ADAR: variants seen among roughly 807,000 people sequenced by gnomAD.
The protein encoded by ADAR is double-stranded RNA-specific adenosine deaminase.
A neutral mutation model predicts 113.2 loss-of-function variants in ADAR; 41 were observed. The ratio of observed to expected loss-of-function variants is 0.36; its 90% CI spans 0.28 to 0.47. ADAR has a LOEUF of 0.47. Among genes scored for constraint, ADAR ranks in the 20% least tolerant of loss-of-function variants. The probability of loss-of-function intolerance (pLI) is 1.00; values close to 1 mark genes in which losing one functional copy is unlikely to be tolerated. For missense variants in ADAR, 1,242 were observed against 1,540.9 expected (o/e 0.81, Z 3.25); for synonymous variants, 605 against 572.6 (o/e 1.06, Z -0.81).
Position 154,583,400 on chromosome 1 carries a change from T to A in ADAR, c.*1406A>T, listed in dbSNP as rs886045325. On this transcript the variant is annotated 3_prime_UTR_variant, in exon 15 of 15. Transcript: ENST00000368474. ...ACTGACAGTTTTTACGAGTGACTAT[T>A]CAAAGAATGCACAGGAGCCAGAGAG... 1.3e-5 allele frequency: 2 copies of A among 152,090 alleles called. No individual in the cohort carries two copies. The highest frequency in any genetic ancestry group is 4.8e-5 in the African/African-American group (2 of 41,392). 9.4% of individuals were successfully genotyped at this position (152,090 alleles called of 1,614,324 possible).
rs1344031302 is a variant in ADAR, at chr1:154,601,810, G to A, written c.832C>T (p.Pro278Ser). Residue 278 changes from proline to serine, a missense_variant, in exon 2 of 15, where the codon CCT becomes TCT. Pro to Ser is a moderately conservative substitution (Grantham distance 74, BLOSUM62 -1). Transcript: ENST00000368474. The surrounding 1 kb of genome is among the most constrained non-coding windows in gnomAD (Gnocchi z 4.7). Reference sequence around the variant, plus strand: ...GCAGATGTGGAGTTGCTGTCTTCAGGTTCCAAACCTGGGTCTGAGTTTGGG... The same window carrying A: ...GCAGATGTGGAGTTGCTGTCTTCAGATTCCAAACCTGGGTCTGAGTTTGGG... ...GSPNSDPGLE[P>S]EDSNSTSALE... 8 of 1,614,086 alleles carry A rather than the reference G, an allele frequency of 5.0e-6. No individual in the cohort carries two copies. The highest frequency in any genetic ancestry group is 1.3e-5 in the African/African-American group (1 of 74,932).
chr1:154,619,741 TGG>T (rs1698737106), intron 1 of ADAR, among the ~76,000 whole-genome samples: 7 of 152,210 alleles, frequency 4.6e-5, no homozygotes, highest in Admixed American at 3.9e-4. Flanking sequence ...AAAACCACAA[TGG>T]GATGCCGCTT....
chr1:154,622,415 A>T (rs985089939), intron 1 of ADAR, among the ~76,000 whole-genome samples: 5 of 152,182 alleles, frequency 3.3e-5, no homozygotes, highest in Admixed American at 2.6e-4. Flanking sequence ...TAAAGTTGAC[A>T]ACCCTTGGTC....
At position 154,585,755 on chromosome 1, in the gene ADAR, T is replaced by C; in HGVS notation, c.3313A>G (p.Lys1105Glu). 4 of 1,612,596 alleles carry C rather than the reference T, an allele frequency of 2.5e-6. No individual in the cohort carries two copies. The highest frequency in any genetic ancestry group is 3.4e-6 in the Non-Finnish European group (4 of 1,178,646). The change falls in exon 13 of 15, where the codon AAG (lysine) becomes GAG (glutamate). Residue 1105 changes from lysine (K) to glutamate (E), a missense_variant and splice_region_variant. Physicochemically the swap from Lys to Glu is moderately conservative, Grantham distance 56. Coordinates refer to ENST00000368474, the MANE Select transcript of ADAR (RefSeq NM_001111.5). ...LRHPFIVNHP[K>E]VGRVSIYDSK... ...AAAATAGAAGGGGGTTATAGCACCT[T>C]GGGGTGGTTGACAATAAAGGGATGT...
rs139471471 is a variant in ADAR at position 154,601,986 on chromosome 1, C to G, written c.656G>C (p.Gly219Ala). 5.1e-5 allele frequency: 82 copies of G among 1,614,110 alleles called. 1 individual carries two copies. The African/African-American group carries it at 9.7e-4, about 19-fold the overall frequency. ...GVVRPDGHSQ[G>A]APNSDPSLEP... ...CAAACTCGGGTCTGAGTTTGGGGCT[C>G]CTTGGCTATGACCGTCTGGTCTTAC... is the stretch of plus-strand genomic sequence containing the variant. Residue 219 changes from glycine (G) to alanine (A), a missense_variant, in exon 2 of 15, where the codon GGA becomes GCA. Gly to Ala is a moderately conservative substitution (Grantham distance 60, BLOSUM62 0). This residue lies in a region of ADAR where 462 missense variants were observed against 483.1 expected (regional missense o/e 0.96). Transcript: ENST00000368474. The surrounding 1 kb of genome is among the most constrained non-coding windows in gnomAD (Gnocchi z 4.7).
At chr1:154,588,412 A>C in intron 10 of ADAR, 139 bp downstream of exon 10, 1 of 1,489,690 alleles carries the variant, frequency 6.7e-7, no homozygotes, top group Non-Finnish European at 9.3e-7. Context: ...AGTCATCTAC[A>C]CCTGAATATG....
rs763229776 is a variant in ADAR at position 154,590,366 on chromosome 1, C to T, written c.2314G>A (p.Val772Ile). The T allele has an allele frequency of 1.4e-5, 23 of 1,613,960 alleles. No individual in the cohort carries two copies. The highest frequency in any genetic ancestry group is 5.3e-5 in the African/African-American group (4 of 74,880). The part of the protein sequence containing the change: ...AKVGGRWFPA[V>I]CAHSKKQGKQ... ...CCTTGCTTCTTGCTGTGTGCGCAGA[C>T]GGCTGGGAACCAGCGACCCCCAACT... The change falls in exon 7 of 15, where the codon GTC becomes ATC. Residue 772 changes from valine to isoleucine, a missense_variant. Coordinates refer to ENST00000368474, the MANE Select transcript of ADAR (RefSeq NM_001111.5).
chr1:154,611,238 C>G (rs956997293), upstream of ADAR, among the ~76,000 whole-genome samples: 2 of 152,196 alleles, frequency 1.3e-5, no homozygotes, highest in African/African-American at 4.8e-5. Flanking sequence ...GCGAGGGAAG[C>G]TGCACCGCTG....
Position 154,590,406 on chromosome 1 carries a change from G to A in ADAR, c.2274C>T (p.Phe758=), listed in dbSNP as rs149039619. The A allele has an allele frequency of 3.2e-5, 51 of 1,613,974 alleles. No homozygotes were observed. The highest frequency in any genetic ancestry group is 2.4e-4 in the African/African-American group (18 of 74,998). The change falls in exon 7 of 15, where the codon TTC becomes TTT. Residue 758 remains phenylalanine (F), a synonymous_variant. Transcript: ENST00000368474. The part of the protein sequence containing the change: ...DQSGPPHEPK[F]VYQAKVGGRW... Reference sequence around the variant, plus strand: ...GACCCCCAACTTTTGCTTGGTAAACGAACCTTTGGGATGAGAAACAGAGAA... The same window carrying A: ...GACCCCCAACTTTTGCTTGGTAAACAAACCTTTGGGATGAGAAACAGAGAA...
chr1:154,599,107 G>A (rs547807589), intron 2 of ADAR, among the ~76,000 whole-genome samples: 6 of 152,110 alleles, frequency 3.9e-5, no homozygotes, highest in Non-Finnish European at 7.4e-5. Flanking sequence ...CTATATCACC[G>A]TAGTTTGTTA....
intron 2 of ADAR, chr1:154,600,401 T>C (rs1697788469): frequency 6.4e-6 from 1 of 155,140 alleles, no homozygotes; most frequent in Non-Finnish European, 1.4e-5. Flanking sequence ...CCTCATGATC[T>C]GCCTGCCTTG....
chr1:154,590,135 A>AGGCGGGGGGGGG, intron 7 of ADAR, 49 bp downstream of exon 7: 2 of 1,204,986 alleles, frequency 1.7e-6, no homozygotes, highest in Non-Finnish European at 2.4e-6. Context: ...CTTAGGAGTT[A>AGGCGGGGGGGGG]GGAGGACCCC....
In ADAR at chr1:154,589,945, C is replaced by T. The variant is rs771106880; in HGVS notation, c.2497-17G>A. 28 of 1,613,616 alleles carry T rather than the reference C, an allele frequency of 1.7e-5. No individual in the cohort carries two copies. In the Middle Eastern group the frequency reaches 5.0e-4, roughly 29 times the overall value. ...GAGAGGGAGCTGTGGGGAAAAGAGG[C>T]TGTGTCAGCACCACAAAGCTGAGGC... On this transcript the variant is annotated splice_polypyrimidine_tract_variant and intron_variant, in intron 7 of 14. Transcript: ENST00000368474.
upstream of ADAR, among the ~76,000 whole-genome samples, chr1:154,610,839 A>AAAAAAAAAC (rs1698465029): frequency 6.9e-6 from 1 of 144,168 alleles, no homozygotes; most frequent in Non-Finnish European, 1.5e-5. Flanking sequence ...AAAAAAAAAA[A>AAAAAAAAAC]AAGACAAAAT....
At position 154,584,939 on chromosome 1, in the gene ADAR, C is replaced by T. The variant is rs764682423; in HGVS notation, c.3548G>A (p.Gly1183Asp). The T allele has an allele frequency of 1.2e-6, 2 of 1,614,164 alleles. No individual in the cohort carries two copies. The highest frequency in any genetic ancestry group is 1.7e-6 in the Non-Finnish European group (2 of 1,180,032). Reference protein sequence around the residue: ...YRRDLLRLSYGEAKKAARDYE... With the variant: ...YRRDLLRLSYDEAKKAARDYE... ...GTCACGGGCAGCTTTCTTGGCCTCA[C>T]CATAGGAGAGTCTCAGTAGATCCCT... The change falls in exon 15 of 15, where the codon GGT becomes GAT. Residue 1183 changes from glycine to aspartate, a missense_variant. Transcript: ENST00000368474.
At chr1:154,605,687 C>T (rs530653562) in intron 1 of ADAR, among the ~76,000 whole-genome samples, 2 of 152,260 alleles carry the variant, frequency 1.3e-5, no homozygotes, top group Admixed American at 6.5e-5. Context: ...ATGAACAAGA[C>T]GCCACTATGC....
Position 154,590,285 on chromosome 1 carries a change from C to T in ADAR, c.2395G>A (p.Ala799Thr). ...LRVLIGENEK[A>T]ERMGFTEVTP... ...ACCTCTGTGAAACCCATGCGTTCTG[C>T]CTTCTCGTTCTCCCCAATCAAGACA... The change falls in exon 7 of 15, where the codon GCA (alanine) becomes ACA (threonine). Residue 799 changes from alanine to threonine, a missense_variant. Ala to Thr is a moderately conservative substitution (Grantham distance 58). Coordinates refer to ENST00000368474, the MANE Select transcript of ADAR (RefSeq NM_001111.5). 1 of 1,614,148 alleles carries T rather than the reference C, an allele frequency of 6.2e-7. No individual in the cohort carries two copies. The highest frequency in any genetic ancestry group is 8.5e-7 in the Non-Finnish European group (1 of 1,180,034).
rs145652884 is a variant in ADAR at position 154,601,413 on chromosome 1, T to C, written c.1229A>G (p.Glu410Gly). 4.6e-5 allele frequency: 74 copies of C among 1,614,246 alleles called. No individual in the cohort carries two copies. The African/African-American group carries it at 9.1e-4, about 20-fold the overall frequency. ...CTTTATGACAGGTTCCTGCCCATTCTCCACTTTTTCTGTGGTTACCATGTT... is the reference window on the plus strand; with the variant it reads ...CTTTATGACAGGTTCCTGCCCATTCCCCACTTTTTCTGTGGTTACCATGTT... ...SNNMVTTEKV[E>G]NGQEPVIKLE... The change falls in exon 2 of 15, where the codon GAG (glutamate) becomes GGG (glycine). Residue 410 changes from glutamate to glycine, a missense_variant. Glu to Gly is a moderately conservative substitution (Grantham distance 98). Transcript: ENST00000368474. This position sits in a 1 kb window ranked among gnomAD's most constrained non-coding sequence, Gnocchi z 4.7.
At chr1:154,606,698 C>G (rs937150662) in intron 1 of ADAR, among the ~76,000 whole-genome samples, 2 of 152,112 alleles carry the variant, frequency 1.3e-5, no homozygotes, top group Non-Finnish European at 2.9e-5. Context: ...GCAAGCAACC[C>G]ACAGTGATCC....
Sources: allele counts gnomAD v4.1 joint callset (sites outside exome capture counted in the v4.1 genomes callset), GRCh38; gene constraint gnomAD v4.1.1; regional missense constraint gnomAD v4.1.1; non-coding constraint Gnocchi (gnomAD v3.1); transcripts MANE v1.5; gene names NCBI Gene and HGNC (gene_info 2026-07-23, HGNC 2026-07-21).